KIAA1217: variants seen among roughly 807,000 people sequenced by gnomAD.
KIAA1217 encodes sickle tail protein homolog.
Under a neutral mutation model 163.9 loss-of-function variants are expected in KIAA1217, and 88 were observed. The observed-to-expected ratio is 0.54, with a 90% confidence interval of 0.45 to 0.64. The LOEUF (loss-of-function observed/expected upper bound fraction) is 0.64, where lower values mean the gene tolerates loss of function less well. Among genes scored for constraint, KIAA1217 ranks in the 30% least tolerant of loss-of-function variants. The probability of loss-of-function intolerance (pLI) is 0.00; values close to 1 mark genes in which losing one functional copy is unlikely to be tolerated. For synonymous variants in KIAA1217, 903 were observed against 923.1 expected, an observed-to-expected ratio of 0.98 and a Z score of 0.39; for missense variants, 2,372 against 2,475.0, an observed-to-expected ratio of 0.96 and a Z score of 0.88.
rs59075123 is a variant in KIAA1217, at chr10:23,982,529, T to TTCTCTCTCTCTCTCTC, written c.-320-24659_-320-24644dup. The stretch of plus-strand genomic sequence containing the variant: ...TCCTCTGTATTGCTCTGTTTTTTGT[T>TTCTCTCTCTCTCTCTC]TCTCTCTCTCTCTCTCTCTCTCTCT... On this transcript the variant is annotated intron_variant, in intron 1 of 18. Transcript: ENST00000376462. Among the ~76,000 whole-genome samples the TTCTCTCTCTCTCTCTC allele has an allele frequency of 1.8e-3, 134 of 73,618 alleles. 17 individuals are homozygous for TTCTCTCTCTCTCTCTC. Among genetic ancestry groups the TTCTCTCTCTCTCTCTC allele is most frequent in the Non-Finnish European group, 2.5e-3 (96 of 37,816 alleles). The allele number at this position is 73,618 out of a possible 152,430, so 48.3% of individuals were successfully genotyped here. A position where few individuals can be genotyped will look rare whatever the true frequency, so the allele number is the denominator to read the frequency against.
At chr10:23,948,558 A>AG (rs1269839421) in intron 1 of KIAA1217, among the ~76,000 whole-genome samples, 2 of 152,050 alleles carry the variant, frequency 1.3e-5, no homozygotes, top group East Asian at 3.8e-4. Flanking sequence ...TGTGATTTTG[A>AG]GGGGAAAAAA....
Position 24,526,289 on chromosome 10 carries a change from G to A in KIAA1217, c.2898+1525G>A, listed in dbSNP as rs550388815. Among the ~76,000 whole-genome samples, 33 of 152,162 alleles carry A rather than the reference G, an allele frequency of 2.2e-4. No homozygotes were observed. In the East Asian group the frequency reaches 5.6e-3, roughly 26 times the overall value. ...CTAGGTGGTTTCTCTGTGTCGCAAG[G>A]GCCCTGGCTTGCCTCTAATCAGAGC... On this transcript the variant is annotated intron_variant, in intron 13 of 20. Coordinates refer to ENST00000376454, the MANE Select transcript of KIAA1217 (RefSeq NM_019590.5).
intron 1 of KIAA1217, among the ~76,000 whole-genome samples, chr10:23,969,592 G>A (rs912806180): frequency 2.6e-5 from 4 of 152,050 alleles, no homozygotes; most frequent in Non-Finnish European, 4.4e-5. Flanking sequence ...TTGGAGAAAC[G>A]TCTATTCAGA....
intron 2 of KIAA1217, among the ~76,000 whole-genome samples, chr10:24,077,442 T>C (rs2061403367): frequency 6.6e-6 from 1 of 152,274 alleles, no homozygotes; most frequent in Admixed American, 6.5e-5. Context: ...TTTTACTTTT[T>C]GTTCCTGTGT....
At chr10:24,447,645 A>C (rs2061053189) in intron 5 of KIAA1217, among the ~76,000 whole-genome samples, 1 of 152,210 alleles carries the variant, frequency 6.6e-6, no homozygotes, top group Non-Finnish European at 1.5e-5. Context: ...AAAGATACTT[A>C]CTTCAGCCCT....
Position 24,546,378 on chromosome 10 carries a change from T to C in KIAA1217, c.*54T>C, listed in dbSNP as rs1458342627. On this transcript the variant is annotated 3_prime_UTR_variant, in exon 21 of 21. Coordinates refer to ENST00000376454, the MANE Select transcript of KIAA1217 (RefSeq NM_019590.5). Reference sequence around the variant, plus strand: ...AGTTACATTTAAAAAAAATTAACAGTCTACAACAACTGTTTTCACAAGAGA... The same window carrying C: ...AGTTACATTTAAAAAAAATTAACAGCCTACAACAACTGTTTTCACAAGAGA... The C allele has an allele frequency of 6.7e-7, 1 of 1,491,912 alleles. No individual in the cohort carries two copies. The allele number at this position is 1,491,912 out of a possible 1,614,324, so 92.4% of individuals were successfully genotyped here. A position where few individuals can be genotyped will look rare whatever the true frequency, so the allele number is the denominator to read the frequency against.
chr10:23,941,998 T>G (rs1281873303), intron 1 of KIAA1217, among the ~76,000 whole-genome samples: 1 of 152,180 alleles, frequency 6.6e-6, no homozygotes, highest in African/African-American at 2.4e-5. Flanking sequence ...AACAAAGATC[T>G]ACACCGCACA....
intron 9 of KIAA1217, among the ~76,000 whole-genome samples, chr10:24,512,511 A>G (rs2134259452): frequency 6.6e-6 from 1 of 152,298 alleles, no homozygotes; most frequent in African/African-American, 2.4e-5. Flanking sequence ...GAGAAACAAG[A>G]ATGTTCTCGG....
chr10:24,521,082 A>T (rs1375629370), intron 11 of KIAA1217, among the ~76,000 whole-genome samples: 2 of 140,314 alleles, frequency 1.4e-5, no homozygotes, highest in African/African-American at 5.5e-5. Context: ...GTAGTGGCTC[A>T]TGCCACTTTG....
chr10:24,289,912 A>G (rs1306141407), intron 2 of KIAA1217, among the ~76,000 whole-genome samples: 1 of 152,156 alleles, frequency 6.6e-6, no homozygotes, highest in Non-Finnish European at 1.5e-5. Flanking sequence ...TCTTTTTAAT[A>G]GTAGGCTGAA....
intron 16 of KIAA1217, among the ~76,000 whole-genome samples, chr10:24,533,999 G>A (rs979063243): frequency 4.6e-5 from 7 of 152,136 alleles, no homozygotes; most frequent in Admixed American, 2.0e-4. Flanking sequence ...TATTTCATTT[G>A]CCTCATGCTT....
intron 17 of KIAA1217, chr10:24,542,407 G>A (rs1160091718): frequency 4.3e-6 from 3 of 697,544 alleles, no homozygotes; most frequent in Non-Finnish European, 6.4e-6. Flanking sequence ...GGACATGTTA[G>A]TAATGACTCT....
chr10:23,977,199 G>A (rs1365821392), intron 1 of KIAA1217, among the ~76,000 whole-genome samples: 1 of 152,180 alleles, frequency 6.6e-6, no homozygotes, highest in Non-Finnish European at 1.5e-5. Context: ...AAGAAGAGAA[G>A]CACATCTTGA....
At chr10:24,436,394 T>C (rs1201962912) in intron 4 of KIAA1217, among the ~76,000 whole-genome samples, 1 of 151,956 alleles carries the variant, frequency 6.6e-6, no homozygotes, top group Non-Finnish European at 1.5e-5. Flanking sequence ...CTTGATTTTA[T>C]GCATTAAATG....
At chr10:23,967,417 G>A (rs908113919) in intron 1 of KIAA1217, among the ~76,000 whole-genome samples, 2 of 152,212 alleles carry the variant, frequency 1.3e-5, no homozygotes, top group South Asian at 2.1e-4. Flanking sequence ...TTCAGGAAAA[G>A]CATGAATTTC....
intron 6 of KIAA1217, among the ~76,000 whole-genome samples, chr10:24,492,908 C>T (rs973925229): frequency 4.6e-5 from 7 of 151,778 alleles, no homozygotes; most frequent in African/African-American, 1.5e-4. Flanking sequence ...TGCAGTGGCG[C>T]GATCTCAGCT....
chr10:23,752,085 T>C (rs1330143679), intron 1 of KIAA1217, among the ~76,000 whole-genome samples: 2 of 147,288 alleles, frequency 1.4e-5, no homozygotes, highest in African/African-American at 4.9e-5. Flanking sequence ...GTTTGTGAAC[T>C]CTTGGTAGAG....
intron 1 of KIAA1217, among the ~76,000 whole-genome samples, chr10:23,771,088 G>A (rs1834774986): frequency 6.6e-6 from 1 of 152,106 alleles, no homozygotes; most frequent in Non-Finnish European, 1.5e-5. Context: ...TTGCAATGAT[G>A]CCACCAAGAA....
At chr10:24,522,141 T>C (rs2071387828) in intron 12 of KIAA1217, among the ~76,000 whole-genome samples, 1 of 152,088 alleles carries the variant, frequency 6.6e-6, no homozygotes, top group Non-Finnish European at 1.5e-5. Flanking sequence ...GTGGAGCCCA[T>C]CCTAGGGTTT....
Sources: allele counts gnomAD v4.1 joint callset (sites outside exome capture counted in the v4.1 genomes callset), GRCh38; gene constraint gnomAD v4.1.1; transcripts MANE v1.5; gene names NCBI Gene and HGNC (gene_info 2026-07-23, HGNC 2026-07-21).